The following ANKDD1B variants were observed in gnomAD, a reference collection of about 807,000 sequenced individuals.
ANKDD1B encodes ankyrin repeat and death domain containing 1B.
Under a neutral mutation model 59.7 loss-of-function variants are expected in ANKDD1B, and 57 were observed. The ratio of observed to expected loss-of-function variants is 0.95; its 90% CI spans 0.77 to 1.19. The LOEUF is 1.19. ANKDD1B is among the 50% of genes most tolerant of loss of function. The pLI is 0.00. For missense variants in ANKDD1B, 602 were observed against 641.9 expected (o/e 0.94, Z 0.67); for synonymous variants, 216 against 239.5 (o/e 0.90, Z 0.91).
chr5:75,624,138 C>T (rs1241714927), intron 3 of ANKDD1B, among the ~76,000 whole-genome samples: 2 of 152,132 alleles, frequency 1.3e-5, no homozygotes, highest in East Asian at 3.8e-4. Context: ...GGCACTTGTA[C>T]TGAGGAAATG....
At chr5:75,638,372 T>A (rs1026401821) in intron 7 of ANKDD1B, among the ~76,000 whole-genome samples, 1 of 152,200 alleles carries the variant, frequency 6.6e-6, no homozygotes, top group Admixed American at 6.5e-5. Context: ...TGGATATCAT[T>A]CATAATGTTT....
chr5:75,624,071 A>G (rs1315830615), intron 3 of ANKDD1B, among the ~76,000 whole-genome samples: 1 of 152,250 alleles, frequency 6.6e-6, no homozygotes, highest in East Asian at 1.9e-4. Flanking sequence ...TCCAGATCAC[A>G]AACACAACTG....
intron 9 of ANKDD1B, among the ~76,000 whole-genome samples, chr5:75,658,667 C>G (rs541424030): frequency 2.5e-4 from 38 of 152,248 alleles, no homozygotes; most frequent in African/African-American, 7.9e-4. Context: ...GTCTCTTTCT[C>G]TATGTGTATT....
intron 8 of ANKDD1B, 39 bp downstream of exon 8, chr5:75,653,279 C>G (rs1190241002): frequency 6.8e-6 from 10 of 1,460,512 alleles, no homozygotes; most frequent in Non-Finnish European, 9.3e-6. Context: ...GGTCCTGGCG[C>G]CGTGAGGTTG....
At chr5:75,616,677 A>G (rs1397674676) in intron 1 of ANKDD1B, 127 bp from the exon 2 acceptor site, 4 of 496,668 alleles carry the variant, frequency 8.1e-6, no homozygotes, top group Admixed American at 6.8e-5. Flanking sequence ...CGAAGTTCCC[A>G]TGTCTTAAAT....
intron 6 of ANKDD1B, 200 bp downstream of exon 6, chr5:75,635,196 G>A (rs369372959): frequency 1.2e-4 from 52 of 443,968 alleles, no homozygotes; most frequent in African/African-American, 9.6e-4. Context: ...CAGATTGGCA[G>A]TTTTTGCTTC....
intron 5 of ANKDD1B, among the ~76,000 whole-genome samples, chr5:75,629,855 T>TA (rs1431230930): frequency 3.9e-5 from 6 of 152,108 alleles, no homozygotes; most frequent in Admixed American, 3.9e-4. Context: ...GGAGGATCAC[T>TA]GGATCCCAGG....
At chr5:75,618,852 TCTC>T (rs1773778442) in intron 2 of ANKDD1B, among the ~76,000 whole-genome samples, 1 of 152,116 alleles carries the variant, frequency 6.6e-6, no homozygotes, top group Non-Finnish European at 1.5e-5. Context: ...TTCAAGCAAT[TCTC>T]CTGCCTCAGC....
At chr5:75,648,272 A>AAAAAAAATT (rs1774708560) in intron 7 of ANKDD1B, among the ~76,000 whole-genome samples, 1 of 139,238 alleles carries the variant, frequency 7.2e-6, no homozygotes, top group African/African-American at 2.7e-5. Flanking sequence ...AAAATTAAAA[A>AAAAAAAATT]AAAAAAAAAA....
intron 9 of ANKDD1B, among the ~76,000 whole-genome samples, chr5:75,658,897 A>G (rs1340852478): frequency 6.6e-6 from 1 of 152,174 alleles, no homozygotes; most frequent in Non-Finnish European, 1.5e-5. Flanking sequence ...AACATTTTTC[A>G]TCTTCCCAAA....
At chr5:75,668,280 T>C (rs1438810192) in intron 12 of ANKDD1B, among the ~76,000 whole-genome samples, 1 of 152,128 alleles carries the variant, frequency 6.6e-6, no homozygotes, top group African/African-American at 2.4e-5. Context: ...GTTTATAATC[T>C]AGTTGGCACA....
chr5:75,635,340 C>A, intron 6 of ANKDD1B: 1 of 222,906 alleles, frequency 4.5e-6, no homozygotes, highest in Non-Finnish European at 8.9e-6. Flanking sequence ...GGGTAGACGT[C>A]CATATCTATA....
rs1773550288 is a variant in ANKDD1B at position 75,611,510 on chromosome 5, T to C, written c.-125T>C. 4.2e-6 allele frequency: 3 copies of C among 712,932 alleles called. No homozygotes were observed. Among genetic ancestry groups the C allele is most frequent in the Admixed American group, 4.3e-5 (1 of 23,078 alleles). 44.2% of individuals were successfully genotyped at this position (712,932 alleles called of 1,614,324 possible). ...ACTCGATCCTGCGCTCCGGCCGGGC[T>C]GACCTGCCTGCGTCCAGCCCCCGCG... On this transcript the variant is annotated 5_prime_UTR_variant, in exon 1 of 14. Coordinates refer to ENST00000601380, the MANE Select transcript of ANKDD1B (RefSeq NM_001276713.2).
At chr5:75,613,990 C>T (rs765564216) in intron 1 of ANKDD1B, among the ~76,000 whole-genome samples, 11 of 152,134 alleles carry the variant, frequency 7.2e-5, no homozygotes, top group Non-Finnish European at 1.6e-4. Flanking sequence ...ATTTCTTGTT[C>T]GTGTAGCATG....
intron 3 of ANKDD1B, among the ~76,000 whole-genome samples, chr5:75,624,355 G>GC (rs993732001): frequency 6.6e-6 from 1 of 152,140 alleles, no homozygotes; most frequent in Admixed American, 6.5e-5. Context: ...GTAACTTAGG[G>GC]CCCGGGGTGC....
intron 7 of ANKDD1B, among the ~76,000 whole-genome samples, chr5:75,646,688 C>T (rs375609733): frequency 2.5e-5 from 1 of 40,086 alleles, no homozygotes; most frequent in Non-Finnish European, 3.9e-5. Flanking sequence ...AGGTAATTTA[C>T]AGATTCAATG....
intron 2 of ANKDD1B, among the ~76,000 whole-genome samples, chr5:75,617,920 C>T (rs577343685): frequency 6.6e-6 from 1 of 152,052 alleles, no homozygotes; most frequent in East Asian, 1.9e-4. Context: ...GAATGTTGTG[C>T]ATGTGGCGGC....
chr5:75,663,898 T>C (rs930819915), intron 11 of ANKDD1B, among the ~76,000 whole-genome samples: 1 of 152,234 alleles, frequency 6.6e-6, no homozygotes, highest in Non-Finnish European at 1.5e-5. Context: ...TGTGCAGGCT[T>C]TCAGGCACTC....
chr5:75,611,760 C>G lies in ANKDD1B; in HGVS notation c.126C>G (p.Ser42Arg). 1.6e-6 allele frequency: 2 copies of G among 1,232,034 alleles called. No individual in the cohort carries two copies. Among genetic ancestry groups the G allele is most frequent in the Non-Finnish European group, 2.0e-6 (2 of 988,100 alleles). 76.3% of individuals were successfully genotyped at this position (1,232,034 alleles called of 1,614,324 possible). ...LWGAAALPWR[S>R]LSRIPKREGL... ...GCGCGGCCGCCCTGCCTTGGAGGAGCCTGTCCCGGATCCCGAAGCGGGAGG... is the reference window on the plus strand; with the variant it reads ...GCGCGGCCGCCCTGCCTTGGAGGAGGCTGTCCCGGATCCCGAAGCGGGAGG... The change falls in exon 1 of 14, where the codon AGC becomes AGG. Residue 42 changes from serine to arginine, a missense_variant. Physicochemically the swap from Ser to Arg is moderately radical, Grantham distance 110. Coordinates refer to ENST00000601380, the MANE Select transcript of ANKDD1B (RefSeq NM_001276713.2).
Sources: allele counts gnomAD v4.1 joint callset (sites outside exome capture counted in the v4.1 genomes callset), GRCh38; gene constraint gnomAD v4.1.1; transcripts MANE v1.5; gene names NCBI Gene and HGNC (gene_info 2026-07-23, HGNC 2026-07-21).